Variants in DNAAF5 observed in about 807,000 individuals in gnomAD.
DNAAF5 encodes the protein dynein axonemal assembly factor 5.
In DNAAF5, 64 loss-of-function variants were observed where a neutral mutation model predicts 75.8. The ratio of observed to expected loss-of-function variants is 0.84; its 90% confidence interval spans 0.69 to 1.04. DNAAF5 has a LOEUF of 1.04. DNAAF5 is among the 50% of genes least tolerant of loss of function. DNAAF5 has a pLI of 0.00. For missense variants in DNAAF5, 1,269 were observed against 1,178.5 expected (o/e 1.08, Z -1.12); for synonymous variants, 657 against 557.2 (o/e 1.18, Z -2.52).
chr7:784,206 C>A (rs1267989042), intron 12 of DNAAF5, among the ~76,000 whole-genome samples: 1 of 152,188 alleles, frequency 6.6e-6, no homozygotes, highest in East Asian at 1.9e-4. Context: ...GCGGGACGCC[C>A]GTGCTCAGTC....
rs1261570814 is a variant in DNAAF5 at position 754,523 on chromosome 7, C to T, written c.1025-66C>T. The T allele has an allele frequency of 9.0e-6, 12 of 1,327,540 alleles. No homozygotes were observed. Among genetic ancestry groups the T allele is most frequent in the Admixed American group, 5.1e-5 (3 of 58,416 alleles). The allele number at this position is 1,327,540 out of a possible 1,614,324, so 82.2% of individuals were successfully genotyped here. A position where few individuals can be genotyped will look rare whatever the true frequency, so the allele number is the denominator to read the frequency against. ...ACAGGTGTCCCTTAAATGTGATGTG[C>T]GGTAACTTGAGTTGTTGAGGTTTTG... On this transcript the variant is annotated intron_variant, in intron 4 of 12. Coordinates refer to ENST00000297440, the MANE Select transcript of DNAAF5 (RefSeq NM_017802.4). The surrounding 1 kb of genome is among the most constrained non-coding windows in gnomAD (Gnocchi z 4.8).
chr7:728,393 T>C (rs1047362776), intron 1 of DNAAF5, among the ~76,000 whole-genome samples: 4 of 152,138 alleles, frequency 2.6e-5, no homozygotes, highest in Admixed American at 6.5e-5. Flanking sequence ...GGGGTGTCAA[T>C]AGAAGTGATA....
intron 2 of DNAAF5, among the ~76,000 whole-genome samples, chr7:736,467 G>C (rs1290924162): frequency 6.6e-6 from 1 of 152,178 alleles, no homozygotes; most frequent in Non-Finnish European, 1.5e-5. Context: ...GATGACCTTT[G>C]TCTCTTAGTA....
At chr7:729,338 C>G (rs1442799589) in intron 1 of DNAAF5, among the ~76,000 whole-genome samples, 1 of 152,226 alleles carries the variant, frequency 6.6e-6, no homozygotes. Context: ...AGGCCTCCAC[C>G]TTGGCTTCAG....
chr7:735,956 T>C (rs1351540890), intron 2 of DNAAF5, among the ~76,000 whole-genome samples: 1 of 152,206 alleles, frequency 6.6e-6, no homozygotes, highest in African/African-American at 2.4e-5. Flanking sequence ...TTTTTGCATA[T>C]TGTGTTTCCA....
intron 6 of DNAAF5, among the ~76,000 whole-genome samples, chr7:761,401 C>A (rs1162200140): frequency 2.0e-5 from 3 of 152,274 alleles, no homozygotes; most frequent in Non-Finnish European, 4.4e-5. Context: ...TAAAGATCTA[C>A]CACAGACTGG....
chr7:784,483 C>T (rs1048777708), intron 12 of DNAAF5, among the ~76,000 whole-genome samples: 2 of 152,166 alleles, frequency 1.3e-5, no homozygotes, highest in South Asian at 4.1e-4. Context: ...CTGATAGACT[C>T]CCCAGCCACT....
intron 8 of DNAAF5, among the ~76,000 whole-genome samples, chr7:769,369 G>A (rs189628802): frequency 6.6e-6 from 1 of 152,260 alleles, no homozygotes; most frequent in African/African-American, 2.4e-5. Flanking sequence ...TCTCAGAGCT[G>A]TCCTTGCCCT....
chr7:754,751 A>G lies in DNAAF5; in HGVS notation c.1187A>G (p.Gln396Arg). 6.2e-7 allele frequency: 1 copy of G among 1,613,570 alleles called. No homozygotes were observed. The highest frequency in any genetic ancestry group is 1.3e-5 in the African/African-American group (1 of 75,054). Residue 396 changes from glutamine to arginine, a missense_variant, in exon 5 of 13, where the codon CAG (glutamine) becomes CGG (arginine). By Grantham distance (43) the Gln-to-Arg change is conservative (BLOSUM62 1). Coordinates refer to ENST00000297440, the MANE Select transcript of DNAAF5 (RefSeq NM_017802.4). This position sits in a 1 kb window ranked among gnomAD's most constrained non-coding sequence, Gnocchi z 4.8. ...LLLHAEDHAT[Q>R]HLEVVLRTLF... Reference sequence around the variant, plus strand: ...CTGCATGCCGAGGACCACGCCACGCAGCACCTGGAGGTCGTCCTCCGGACC... The same window carrying G: ...CTGCATGCCGAGGACCACGCCACGCGGCACCTGGAGGTCGTCCTCCGGACC...
intron 4 of DNAAF5, among the ~76,000 whole-genome samples, chr7:743,595 C>T (rs1295249237): frequency 6.6e-6 from 1 of 151,134 alleles, no homozygotes; most frequent in Non-Finnish European, 1.5e-5. Context: ...AAATTAGTTG[C>T]AAGCAAGGTT....
chr7:753,202 G>A (rs1024225694), intron 4 of DNAAF5, among the ~76,000 whole-genome samples: 1 of 152,212 alleles, frequency 6.6e-6, no homozygotes, highest in Admixed American at 6.5e-5. Context: ...TGAAAGCCCA[G>A]GCCACACAGA....
chr7:748,996 G>C (rs74876720), intron 4 of DNAAF5, among the ~76,000 whole-genome samples: 2,313 of 152,308 alleles, frequency 0.015, 41 homozygotes, highest in East Asian at 0.12. Flanking sequence ...TGTTTCCTAA[G>C]AAAATAAGGT....
chr7:735,106 A>C (rs1474737679), intron 2 of DNAAF5, among the ~76,000 whole-genome samples: 1 of 144,390 alleles, frequency 6.9e-6, no homozygotes, highest in Non-Finnish European at 1.5e-5. Context: ...GGTGTTCTTC[A>C]TGGTGTAGCT....
chr7:761,649 C>T (rs1163010164), intron 6 of DNAAF5, 104 bp from the exon 7 acceptor site: 6 of 1,259,314 alleles, frequency 4.8e-6, no homozygotes. Context: ...CAGGGTCCCT[C>T]CCAGGATACG....
rs10250560 is a variant in DNAAF5 at position 735,006 on chromosome 7, G to A, written c.780+5159G>A. 8.0e-3 allele frequency among the ~76,000 whole-genome samples: 1,219 copies of A among 151,968 alleles called. 20 individuals are homozygous for A. The highest frequency in any genetic ancestry group is 0.028 in the African/African-American group (1,175 of 41,394). On this transcript the variant is annotated intron_variant, in intron 2 of 12. Transcript: ENST00000297440. The stretch of plus-strand genomic sequence containing the variant: ...CAGTGTCGCTGCTCACGATGTCATT[G>A]CTCACGGTGTAGTTCATGGTGTAGC...
At chr7:777,888 C>T (rs561022870) in intron 11 of DNAAF5, among the ~76,000 whole-genome samples, 67 of 152,156 alleles carry the variant, frequency 4.4e-4, no homozygotes, top group African/African-American at 1.6e-3. Flanking sequence ...GGGCCTGGAG[C>T]GGGCAGAGGA....
chr7:759,140 T>G (rs1782571000), intron 6 of DNAAF5, among the ~76,000 whole-genome samples: 1 of 152,218 alleles, frequency 6.6e-6, no homozygotes, highest in Non-Finnish European at 1.5e-5. Flanking sequence ...GGAAGTCGAT[T>G]ATGTTTCCCA....
At chr7:775,397 T>C (rs1422879149) in intron 11 of DNAAF5, among the ~76,000 whole-genome samples, 3 of 152,078 alleles carry the variant, frequency 2.0e-5, no homozygotes, top group Non-Finnish European at 4.4e-5. Flanking sequence ...AATTTAAAAA[T>C]TAGCCAGGGC....
chr7:785,410 A>G, intron 12 of DNAAF5, 107 bp from the exon 13 acceptor site: 1 of 1,247,138 alleles, frequency 8.0e-7, no homozygotes, highest in Admixed American at 1.9e-5. Context: ...TTATTTGCAG[A>G]TGCTTTTACA....
Sources: gnomAD v4.1 joint callset for allele counts (sites outside exome capture counted in the v4.1 genomes callset) on GRCh38, gnomAD v4.1.1 for gene constraint, Gnocchi (gnomAD v3.1) non-coding constraint, MANE v1.5 for transcripts, NCBI Gene and HGNC (gene_info 2026-07-23, HGNC 2026-07-21) for gene names.